Variants in IKZF3 observed in about 807,000 individuals in gnomAD.
The protein encoded by IKZF3 is zinc finger protein Aiolos.
Under a neutral mutation model 49.0 loss-of-function variants are expected in IKZF3, and 10 were observed. That is an observed-to-expected ratio of 0.20 (90% CI 0.13 to 0.35). The LOEUF is 0.35. Among genes scored for constraint, IKZF3 ranks in the 10% least tolerant of loss-of-function variants. IKZF3 has a pLI of 1.00. For missense variants in IKZF3, 498 were observed against 664.8 expected (o/e 0.75, Z 2.76); for synonymous variants, 209 against 228.2 (o/e 0.92, Z 0.76).
At chr17:39,831,848 AAAACAAAC>A (rs897642257) in intron 2 of IKZF3, among the ~76,000 whole-genome samples, 9 of 152,166 alleles carry the variant, frequency 5.9e-5, no homozygotes, top group African/African-American at 1.2e-4. Context: ...TGAAAAATCA[AAAACAAAC>A]AAACAAACAA....
At chr17:39,839,244 A>G in intron 1 of IKZF3, 1 of 317,494 alleles carries the variant, frequency 3.1e-6, no homozygotes, top group East Asian at 8.2e-5. Flanking sequence ...TTCAGAGAGA[A>G]AAAATATATT....
chr17:39,844,071 A>G (rs2062558339), intron 1 of IKZF3, among the ~76,000 whole-genome samples: 1 of 152,176 alleles, frequency 6.6e-6, no homozygotes, highest in Non-Finnish European at 1.5e-5. Context: ...ATCATTTTGT[A>G]ACTTCTTTAC....
At chr17:39,863,673 A>T (rs1370192472) in intron 1 of IKZF3, among the ~76,000 whole-genome samples, 1 of 152,348 alleles carries the variant, frequency 6.6e-6, no homozygotes, top group African/African-American at 2.4e-5. Context: ...TGCAAATGCC[A>T]ACCGCTTTAA....
At chr17:39,823,099 A>T (rs754021129) in intron 3 of IKZF3, among the ~76,000 whole-genome samples, 1 of 152,172 alleles carries the variant, frequency 6.6e-6, no homozygotes, top group Non-Finnish European at 1.5e-5. Context: ...AGACAGGAAG[A>T]TGTGGGAAAG....
At position 39,844,835 on chromosome 17, in the gene IKZF3, T is replaced by C. The variant is rs573065538; in HGVS notation, c.8-12684A>G. Among the ~76,000 whole-genome samples the C allele has an allele frequency of 5.9e-5, 9 of 152,272 alleles. No homozygotes were observed. In the South Asian group the frequency reaches 1.9e-3, roughly 32 times the overall value. On this transcript the variant is annotated intron_variant, in intron 1 of 7. Transcript: ENST00000346872. ...TGGGGTTTCTCCATGTTGGTCAGGCTGGTCTCGAACTCCTGACCTCAGGTA... is the reference window on the plus strand; with the variant it reads ...TGGGGTTTCTCCATGTTGGTCAGGCCGGTCTCGAACTCCTGACCTCAGGTA...
At chr17:39,829,314 C>T in intron 3 of IKZF3, 73 bp downstream of exon 3, 3 of 999,354 alleles carry the variant, frequency 3.0e-6, no homozygotes, top group African/African-American at 1.6e-5. Flanking sequence ...CCTTGGAGAG[C>T]TGATTTCTTC....
intron 3 of IKZF3, among the ~76,000 whole-genome samples, chr17:39,808,174 G>T (rs943277767): frequency 3.3e-5 from 5 of 152,198 alleles, no homozygotes; most frequent in African/African-American, 9.7e-5. Context: ...ATCATGGTAA[G>T]TATAGTTTCT....
chr17:39,767,935 C>G (rs1232007558), intron 7 of IKZF3, among the ~76,000 whole-genome samples: 1 of 151,942 alleles, frequency 6.6e-6, no homozygotes, highest in Non-Finnish European at 1.5e-5. Context: ...ATCTGTAGTC[C>G]CAGCTACTCA....
intron 1 of IKZF3, chr17:39,835,777 C>G: frequency 2.0e-6 from 1 of 509,024 alleles, no homozygotes; most frequent in Non-Finnish European, 3.8e-6. Context: ...AAGACTCCAT[C>G]CAGCTCCACC....
chr17:39,855,801 T>C (rs2063022108), intron 1 of IKZF3, among the ~76,000 whole-genome samples: 2 of 152,194 alleles, frequency 1.3e-5, no homozygotes, highest in African/African-American at 4.8e-5. Flanking sequence ...GAAAGGATGA[T>C]AAGTAATCTT....
intron 1 of IKZF3, among the ~76,000 whole-genome samples, chr17:39,833,009 A>T (rs559025466): frequency 6.6e-6 from 1 of 152,274 alleles, no homozygotes; most frequent in Admixed American, 6.5e-5. Context: ...AATATTATGT[A>T]TCAATAAAAA....
At chr17:39,782,523 A>G (rs1235813163) in intron 6 of IKZF3, among the ~76,000 whole-genome samples, 1 of 152,202 alleles carries the variant, frequency 6.6e-6, no homozygotes, top group Non-Finnish European at 1.5e-5. Flanking sequence ...GAAAAAAAAG[A>G]GGACTATTGG....
chr17:39,862,773 C>G (rs9907794), intron 1 of IKZF3, among the ~76,000 whole-genome samples: 8,802 of 152,060 alleles, frequency 0.058, 402 homozygotes, highest in African/African-American at 0.12. Flanking sequence ...AGTTTTCATT[C>G]TTTTCTTCTT....
chr17:39,808,704 A>C (rs1168022463), intron 3 of IKZF3, among the ~76,000 whole-genome samples: 1 of 152,226 alleles, frequency 6.6e-6, no homozygotes, highest in Non-Finnish European at 1.5e-5. Flanking sequence ...CAAAATAAGA[A>C]AATAAAGAAT....
In IKZF3 at chr17:39,766,455, T is replaced by C. The variant is rs1305251913; in HGVS notation, c.865A>G (p.Ser289Gly). ...TCACTCTCTTTCTCATACATGTAACTTGAATTATAGTTGACATCAAAGCAG... is the reference window on the plus strand; with the variant it reads ...TCACTCTCTTTCTCATACATGTAACCTGAATTATAGTTGACATCAAAGCAG... ...RHCFDVNYNS[S>G]YMYEKESELI... The change falls in exon 8 of 8, where the codon AGT becomes GGT. Residue 289 changes from serine to glycine, a missense_variant. By Grantham distance (56) the Ser-to-Gly change is moderately conservative (BLOSUM62 0). Around this residue, in one of 3 missense-constraint regions of IKZF3, gnomAD observed 317 missense variants for 397.3 expected, o/e 0.80. Coordinates refer to ENST00000346872, the MANE Select transcript of IKZF3 (RefSeq NM_012481.5). 6.2e-7 allele frequency: 1 copy of C among 1,613,642 alleles called. No individual in the cohort carries two copies. Among genetic ancestry groups the C allele is most frequent in the Admixed American group, 1.7e-5 (1 of 60,018 alleles).
At chr17:39,784,687 C>T (rs930511176) in intron 6 of IKZF3, among the ~76,000 whole-genome samples, 1 of 152,204 alleles carries the variant, frequency 6.6e-6, no homozygotes, top group Non-Finnish European at 1.5e-5. Flanking sequence ...CAGGCGCGAC[C>T]CACCGCGCCC....
At chr17:39,805,941 GTAA>G (rs1025463651) in intron 3 of IKZF3, among the ~76,000 whole-genome samples, 1 of 152,218 alleles carries the variant, frequency 6.6e-6, no homozygotes, top group Admixed American at 6.5e-5. Flanking sequence ...CAATATTCAA[GTAA>G]TATTGGATGG....
At chr17:39,832,596 T>C (rs992571446) in intron 1 of IKZF3, among the ~76,000 whole-genome samples, 1 of 151,912 alleles carries the variant, frequency 6.6e-6, no homozygotes, top group Non-Finnish European at 1.5e-5. Context: ...TGGATGGAGC[T>C]GGAAGTCACT....
chr17:39,806,031 C>CT (rs926068514), intron 3 of IKZF3, among the ~76,000 whole-genome samples: 2 of 150,268 alleles, frequency 1.3e-5, no homozygotes, highest in Admixed American at 6.6e-5. Flanking sequence ...TGAATGACTT[C>CT]TTTTTTTTTA....
Sources: gnomAD v4.1 joint callset for allele counts (sites outside exome capture counted in the v4.1 genomes callset) on GRCh38, gnomAD v4.1.1 for gene constraint, gnomAD v4.1.1 regional missense constraint, MANE v1.5 for transcripts, NCBI Gene and HGNC (gene_info 2026-07-23, HGNC 2026-07-21) for gene names.